The following SNTG1 variants were observed in gnomAD, a reference collection of about 807,000 sequenced individuals.
The protein encoded by SNTG1 is gamma-1-syntrophin.
Under a neutral mutation model 74.7 loss-of-function variants are expected in SNTG1, and 39 were observed. That is an observed-to-expected ratio of 0.52 (90% confidence interval 0.40 to 0.68). The LOEUF is 0.68. SNTG1 is among the 30% of genes least tolerant of loss of function. The pLI is 0.00. For missense variants in SNTG1, 685 were observed against 609.5 expected (o/e 1.12, Z -1.30); for synonymous variants, 254 against 217.1 (o/e 1.17, Z -1.49).
chr8:50,557,428 T>G (rs1481480), intron 12 of SNTG1, among the ~76,000 whole-genome samples: 31,973 of 152,112 alleles, frequency 0.21, 5,808 homozygotes, highest in African/African-American at 0.49. Flanking sequence ...CTTGGTGCCT[T>G]CAAACAACAG....
chr8:50,792,893 T>A lies in SNTG1; in HGVS notation c.*64T>A. 6.7e-7 allele frequency: 1 copy of A among 1,483,082 alleles called. No individual in the cohort carries two copies. The highest frequency in any genetic ancestry group is 1.4e-5 in the South Asian group (1 of 69,448). 91.9% of individuals were successfully genotyped at this position (1,483,082 alleles called of 1,614,324 possible). On this transcript the variant is annotated 3_prime_UTR_variant, in exon 19 of 19. Transcript: ENST00000642720. ...AAGCAGGACACATTTACTCATCATT[T>A]TAGACCCTAGAGAAACCATAACATC...
chr8:50,744,168 G>A (rs981081943), intron 17 of SNTG1, among the ~76,000 whole-genome samples: 2 of 151,906 alleles, frequency 1.3e-5, no homozygotes, highest in African/African-American at 4.8e-5. Context: ...AGATTTAAGC[G>A]GGGACAAATA....
chr8:50,435,475 T>C (rs1276387542), intron 4 of SNTG1, among the ~76,000 whole-genome samples: 1 of 152,148 alleles, frequency 6.6e-6, no homozygotes, highest in African/African-American at 2.4e-5. Context: ...CTTCTTTTTA[T>C]TACGTCTATT....
chr8:50,778,273 G>C (rs533159669), intron 18 of SNTG1, among the ~76,000 whole-genome samples: 2 of 152,176 alleles, frequency 1.3e-5, no homozygotes, highest in South Asian at 4.1e-4. Context: ...CTGAGGAATC[G>C]CCACACTGAC....
intron 2 of SNTG1, among the ~76,000 whole-genome samples, chr8:50,211,147 C>T (rs2131909893): frequency 6.6e-6 from 1 of 152,000 alleles, no homozygotes; most frequent in Admixed American, 6.6e-5. Context: ...AGAGGCTGTG[C>T]ACAATGGATT....
chr8:50,280,185 A>G (rs2088359502), intron 2 of SNTG1, among the ~76,000 whole-genome samples: 1 of 152,374 alleles, frequency 6.6e-6, no homozygotes, highest in African/African-American at 2.4e-5. Flanking sequence ...AAATTCTGCC[A>G]GAAGTTTCAC....
chr8:50,015,320 G>A (rs753001845), intron 1 of SNTG1, among the ~76,000 whole-genome samples: 9 of 151,966 alleles, frequency 5.9e-5, no homozygotes, highest in Non-Finnish European at 1.3e-4. Context: ...GTAACTTGAT[G>A]ATAGGTCAAT....
At chr8:50,120,583 C>T (rs1485884569) in intron 1 of SNTG1, among the ~76,000 whole-genome samples, 1 of 45,994 alleles carries the variant, frequency 2.2e-5, no homozygotes, top group East Asian at 8.1e-3. Context: ...CCACTACTAC[C>T]ACCACAAACT....
chr8:50,170,599 A>C (rs1174770903), intron 1 of SNTG1, among the ~76,000 whole-genome samples: 3 of 152,200 alleles, frequency 2.0e-5, no homozygotes, highest in Non-Finnish European at 4.4e-5. Flanking sequence ...AAACTTAGTC[A>C]TTTAAAATAG....
chr8:50,169,444 T>G (rs911864679), intron 1 of SNTG1, among the ~76,000 whole-genome samples: 1 of 152,136 alleles, frequency 6.6e-6, no homozygotes, highest in African/African-American at 2.4e-5. Flanking sequence ...AAATGCAACT[T>G]AATATCTTGG....
rs1317496942 is a variant in SNTG1 at position 50,438,607 on chromosome 8, G to A, written c.219+8G>A. 6.2e-7 allele frequency: 1 copy of A among 1,609,760 alleles called. No individual in the cohort carries two copies. Among genetic ancestry groups the A allele is most frequent in the African/African-American group, 1.3e-5 (1 of 74,814 alleles). Reference sequence around the variant, plus strand: ...TTTGGATTAAGCATAAAGGTAGCCTGCCTTTCTAGTCTATCCTTACAAAGG... The same window carrying A: ...TTTGGATTAAGCATAAAGGTAGCCTACCTTTCTAGTCTATCCTTACAAAGG... On this transcript the variant is annotated splice_region_variant and intron_variant, in intron 5 of 18. Coordinates refer to ENST00000642720, the MANE Select transcript of SNTG1 (RefSeq NM_018967.5).
intron 2 of SNTG1, among the ~76,000 whole-genome samples, chr8:50,213,174 G>A (rs1404486469): frequency 6.6e-6 from 1 of 152,170 alleles, no homozygotes; most frequent in African/African-American, 2.4e-5. Context: ...TGTGCCAATA[G>A]ATATTTCTAG....
chr8:49,961,718 G>A (rs1434300918), intron 1 of SNTG1, among the ~76,000 whole-genome samples: 7 of 152,286 alleles, frequency 4.6e-5, no homozygotes, highest in Middle Eastern at 3.4e-3. Flanking sequence ...GAAAGCATCT[G>A]CGGAGGCAGC....
intron 1 of SNTG1, among the ~76,000 whole-genome samples, chr8:49,980,305 G>C (rs1012674454): frequency 6.6e-6 from 1 of 152,024 alleles, no homozygotes; most frequent in Admixed American, 6.6e-5. Flanking sequence ...TGGCCCAGTA[G>C]CCATTCTCCT....
intron 1 of SNTG1, among the ~76,000 whole-genome samples, chr8:50,059,187 TGA>T (rs1392161344): frequency 1.3e-5 from 2 of 152,134 alleles, no homozygotes; most frequent in East Asian, 3.9e-4. Flanking sequence ...TTGGCTTTTA[TGA>T]ATAAAGCTGA....
At chr8:50,004,694 T>C (rs1214932484) in intron 1 of SNTG1, among the ~76,000 whole-genome samples, 1 of 152,236 alleles carries the variant, frequency 6.6e-6, no homozygotes, top group East Asian at 1.9e-4. Context: ...ACAATTTCTA[T>C]GCGGAGATTT....
At chr8:50,617,708 G>A (rs907748986) in intron 13 of SNTG1, among the ~76,000 whole-genome samples, 1 of 152,180 alleles carries the variant, frequency 6.6e-6, no homozygotes, top group Non-Finnish European at 1.5e-5. Context: ...TGAGAGGGTC[G>A]TGATCGATTG....
At chr8:50,435,972 G>A (rs1428680996) in intron 4 of SNTG1, among the ~76,000 whole-genome samples, 1 of 152,140 alleles carries the variant, frequency 6.6e-6, no homozygotes. Flanking sequence ...ACCCTGCGAT[G>A]CTTGTTGTTT....
At chr8:50,605,251 G>A (rs555065678) in intron 13 of SNTG1, among the ~76,000 whole-genome samples, 8 of 151,618 alleles carry the variant, frequency 5.3e-5, no homozygotes, top group Middle Eastern at 6.9e-3. Context: ...GCCTTGGCTG[G>A]TATCTCCCTA....
Sources: allele counts gnomAD v4.1 joint callset (sites outside exome capture counted in the v4.1 genomes callset), GRCh38; gene constraint gnomAD v4.1.1; transcripts MANE v1.5; gene names NCBI Gene and HGNC (gene_info 2026-07-23, HGNC 2026-07-21).